Variants in MPDZ observed in about 807,000 individuals in gnomAD.
MPDZ encodes multiple PDZ domain protein.
Under a neutral mutation model 239.1 loss-of-function variants are expected in MPDZ, and 234 were observed. The ratio of observed to expected loss-of-function variants is 0.98; its 90% confidence interval spans 0.88 to 1.09. The LOEUF (loss-of-function observed/expected upper bound fraction) is 1.09. Among genes scored for constraint, MPDZ ranks in the 50% least tolerant of loss-of-function variants. The pLI, the probability that MPDZ is intolerant of heterozygous loss-of-function variation, is 0.00. For missense variants in MPDZ, 3,175 were observed against 2,510.0 expected, an observed-to-expected ratio of 1.26 and a Z score of -5.66; for synonymous variants, 1,048 against 881.3, an observed-to-expected ratio of 1.19 and a Z score of -3.35.
At chr9:13,151,710 T>C (rs1354947884) in intron 24 of MPDZ, among the ~76,000 whole-genome samples, 2 of 152,078 alleles carry the variant, frequency 1.3e-5, no homozygotes, top group East Asian at 1.9e-4. Flanking sequence ...GTTCTGTAGC[T>C]AGACGGTGGT....
At chr9:13,256,771 G>A (rs1802726628) in intron 1 of MPDZ, among the ~76,000 whole-genome samples, 1 of 152,148 alleles carries the variant, frequency 6.6e-6, no homozygotes, top group African/African-American at 2.4e-5. Context: ...TAAAGGGCAT[G>A]AAATATTATA....
chr9:13,271,827 T>C (rs1973043946), intron 1 of MPDZ, among the ~76,000 whole-genome samples: 1 of 152,194 alleles, frequency 6.6e-6, no homozygotes, highest in Non-Finnish European at 1.5e-5. Flanking sequence ...AGTACTGAAC[T>C]ATGAATACAG....
intron 31 of MPDZ, 54 bp downstream of exon 31, chr9:13,136,038 T>A (rs1946684817): frequency 6.0e-6 from 7 of 1,161,194 alleles, no homozygotes; most frequent in South Asian, 5.3e-5. Context: ...ATTGAATTAA[T>A]AAGGCTCACA....
rs148147961 is a variant in MPDZ at position 13,261,170 on chromosome 9, G to C, written c.-57-10798C>G. ...AGTAAGGGATGAAGAAGCTAAAATGGGGTACACACAAGCCAGAGTTATGAG... is the reference window on the plus strand; with the variant it reads ...AGTAAGGGATGAAGAAGCTAAAATGCGGTACACACAAGCCAGAGTTATGAG... On this transcript the variant is annotated intron_variant, in intron 1 of 46. Transcript: ENST00000319217. Among the ~76,000 whole-genome samples the C allele has an allele frequency of 3.7e-3, 565 of 152,278 alleles. 2 individuals are homozygous for C. Among genetic ancestry groups the C allele is most frequent in the Middle Eastern group, 6.8e-3 (2 of 294 alleles).
intron 21 of MPDZ, among the ~76,000 whole-genome samples, chr9:13,169,752 C>G (rs1951546158): frequency 6.6e-6 from 1 of 152,174 alleles, no homozygotes; most frequent in East Asian, 1.9e-4. Context: ...TCAGCACAGT[C>G]TGTAGGACAG....
rs139939818 is a variant in MPDZ, at chr9:13,264,451, T to C, written c.-57-14079A>G. On this transcript the variant is annotated intron_variant, in intron 1 of 46. Coordinates refer to ENST00000319217, the MANE Select transcript of MPDZ (RefSeq NM_001378778.1). Reference sequence around the variant, plus strand: ...GTTGAAAGGAGCGTCAAAAAACATATAGGTCAGAGAGAAGCTAAAGCTCAC... The same window carrying C: ...GTTGAAAGGAGCGTCAAAAAACATACAGGTCAGAGAGAAGCTAAAGCTCAC... 4.9e-3 allele frequency among the ~76,000 whole-genome samples: 743 copies of C among 152,166 alleles called. 5 individuals are homozygous for C. Among genetic ancestry groups the C allele is most frequent in the Non-Finnish European group, 8.2e-3 (561 of 68,012 alleles).
intron 1 of MPDZ, among the ~76,000 whole-genome samples, chr9:13,271,131 T>C (rs1303427662): frequency 6.6e-6 from 1 of 152,170 alleles, no homozygotes; most frequent in East Asian, 1.9e-4. Flanking sequence ...AAATTAAATA[T>C]TTTTAAATCT....
chr9:13,110,146 G>C (rs2131061563), intron 44 of MPDZ, 82 bp from the exon 45 acceptor site: 1 of 843,824 alleles, frequency 1.2e-6, no homozygotes, highest in Non-Finnish European at 1.9e-6. Context: ...AAGAGCACTT[G>C]GATTAAAATG....
chr9:13,229,753 G>A (rs1338002032), intron 3 of MPDZ, among the ~76,000 whole-genome samples: 2 of 151,876 alleles, frequency 1.3e-5, no homozygotes, highest in Non-Finnish European at 2.9e-5. Flanking sequence ...TAAATCAGTA[G>A]GAATTCCTTA....
chr9:13,143,397 C>T (rs1947985423), intron 27 of MPDZ, 69 bp downstream of exon 27: 2 of 1,175,320 alleles, frequency 1.7e-6, no homozygotes, highest in African/African-American at 1.5e-5. Context: ...GGGACAAAGA[C>T]ACAGTAGTAA....
At chr9:13,125,927 C>A (rs973024971) in intron 34 of MPDZ, among the ~76,000 whole-genome samples, 12 of 152,098 alleles carry the variant, frequency 7.9e-5, no homozygotes, top group Non-Finnish European at 2.9e-5. Flanking sequence ...TAACTTTAAG[C>A]TTCTTACTGT....
intron 27 of MPDZ, among the ~76,000 whole-genome samples, chr9:13,141,766 T>C (rs1025187049): frequency 6.6e-6 from 1 of 152,148 alleles, no homozygotes; most frequent in African/African-American, 2.4e-5. Flanking sequence ...CAGAAAGCAC[T>C]CAATTTTCTG....
chr9:13,107,262 TGATG>T (rs2130922331), intron 46 of MPDZ, among the ~76,000 whole-genome samples, 151 bp from the exon 47 acceptor site: 1 of 152,334 alleles, frequency 6.6e-6, no homozygotes, highest in South Asian at 2.1e-4. Flanking sequence ...CATTAAGCAA[TGATG>T]AACATAGACA....
chr9:13,249,231 T>A (rs1401789606), intron 2 of MPDZ, among the ~76,000 whole-genome samples: 1 of 152,064 alleles, frequency 6.6e-6, no homozygotes, highest in Non-Finnish European at 1.5e-5. Context: ...ATGTCCCATG[T>A]TATCACAGGA....
At chr9:13,154,539 T>C (rs1949592666) in intron 24 of MPDZ, among the ~76,000 whole-genome samples, 1 of 152,134 alleles carries the variant, frequency 6.6e-6, no homozygotes, top group African/African-American at 2.4e-5. Context: ...AGCTGTGAAA[T>C]ACAGCCAACA....
At position 13,170,995 on chromosome 9, in the gene MPDZ, G is replaced by A. The variant is rs141991145; in HGVS notation, c.3056-2431C>T. Among the ~76,000 whole-genome samples, 10 of 152,218 alleles carry A rather than the reference G, an allele frequency of 6.6e-5. No individual in the cohort carries two copies. The East Asian group carries it at 1.4e-3, about 21-fold the overall frequency. ...CCAAATCCCAAATCCCAAATCATGT[G>A]CTTTGTAAATAGAGAACTGGTTACA... On this transcript the variant is annotated intron_variant, in intron 21 of 46. Coordinates refer to ENST00000319217, the MANE Select transcript of MPDZ (RefSeq NM_001378778.1).
chr9:13,115,153 G>A (rs1943186307), intron 40 of MPDZ, 95 bp downstream of exon 40: 1 of 1,026,912 alleles, frequency 9.7e-7, no homozygotes, highest in East Asian at 2.5e-5. Context: ...GCTGCCAGGG[G>A]ACCAGACCTT....
intron 1 of MPDZ, chr9:13,276,445 C>T (rs577522233): frequency 1.3e-5 from 2 of 152,212 alleles, no homozygotes; most frequent in South Asian, 2.1e-4. Flanking sequence ...AAAAATGAAA[C>T]CTTTATTGTT....
rs778399733 is a variant in MPDZ, at chr9:13,125,343, G to T, written c.4680C>A (p.Ile1560=). 1 of 1,613,824 alleles carries T rather than the reference G, an allele frequency of 6.2e-7. No homozygotes were observed. ...CCTGGGAATCTGGATTCTCAGCATG[G>T]ATGGTAAGTTTTACTGTCATCTTTG... ...KTAKMTVKLT[I]HAENPDSQAV... is the part of the protein sequence containing the mutation. Residue 1560 remains isoleucine, a synonymous_variant, in exon 35 of 47, where the codon ATC becomes ATA. Transcript: ENST00000319217.
Sources: allele counts gnomAD v4.1 joint callset (sites outside exome capture counted in the v4.1 genomes callset), GRCh38; gene constraint gnomAD v4.1.1; transcripts MANE v1.5; gene names NCBI Gene and HGNC (gene_info 2026-07-23, HGNC 2026-07-21).